The following TG variants were observed in gnomAD, a reference collection of about 807,000 sequenced individuals.
TG encodes the protein thyroglobulin.
A neutral mutation model predicts 324.7 loss-of-function variants in TG; 270 were observed. That is an observed-to-expected ratio of 0.83 (90% CI 0.75 to 0.92). TG has a LOEUF of 0.92. Ranked by LOEUF, TG falls within the 40% of genes least tolerant of loss-of-function variation. The pLI, the probability that TG is intolerant of heterozygous loss-of-function variation, is 0.00. For missense variants in TG, 3,591 were observed against 3,456.4 expected (o/e 1.04, Z -0.98); for synonymous variants, 1,401 against 1,327.0 (o/e 1.06, Z -1.21).
Position 132,886,541 on chromosome 8 carries a change from C to CT in TG, c.1171dup (p.Ser391PhefsTer94). 6.2e-7 allele frequency: 1 copy of CT among 1,614,234 alleles called. No homozygotes were observed. The highest frequency in any genetic ancestry group is 8.5e-7 in the Non-Finnish European group (1 of 1,180,050). ...TACTTCAGCCAGCACGACCTGTTCTCTTCCCCAGAGAAAAGATGGGCCTCT... is the reference window on the plus strand; with the variant it reads ...TACTTCAGCCAGCACGACCTGTTCTCTTTCCCCAGAGAAAAGATGGGCCTCT... On this transcript the variant is annotated frameshift_variant, in exon 9 of 48. Transcript: ENST00000220616. LOFTEE classifies it high-confidence loss of function.
chr8:132,883,776 C>G (rs1456405101), intron 8 of TG, among the ~76,000 whole-genome samples: 3 of 152,154 alleles, frequency 2.0e-5, no homozygotes, highest in Non-Finnish European at 4.4e-5. Context: ...ATTAGAAGGT[C>G]ATTGCCATGT....
intron 43 of TG, among the ~76,000 whole-genome samples, chr8:133,112,838 A>G (rs1248926223): frequency 1.3e-5 from 2 of 152,128 alleles, no homozygotes; most frequent in Non-Finnish European, 2.9e-5. Context: ...CACCTCTGCC[A>G]CTAGAACGTG....
chr8:132,987,906 A>C (rs900691360), intron 35 of TG, among the ~76,000 whole-genome samples: 3 of 152,160 alleles, frequency 2.0e-5, no homozygotes, highest in African/African-American at 7.2e-5. Flanking sequence ...ACAGAAATGC[A>C]GTGTTTAGAG....
At chr8:133,049,248 G>A (rs894443127) in intron 41 of TG, 2 of 427,226 alleles carry the variant, frequency 4.7e-6, no homozygotes, top group Non-Finnish European at 9.4e-6. Flanking sequence ...GATATCTCTT[G>A]TTTATCTTAC....
intron 34 of TG, among the ~76,000 whole-genome samples, chr8:132,982,179 T>G (rs1339198746): frequency 6.6e-6 from 1 of 152,216 alleles, no homozygotes; most frequent in Non-Finnish European, 1.5e-5. Flanking sequence ...ATGCCCATTT[T>G]ATAGACAAGG....
chr8:133,073,582 T>G (rs956309934), intron 41 of TG, among the ~76,000 whole-genome samples: 1 of 152,192 alleles, frequency 6.6e-6, no homozygotes, highest in Non-Finnish European at 1.5e-5. Flanking sequence ...GCAACAAATT[T>G]GCCAGAATTT....
chr8:132,893,725 C>G lies in TG; in HGVS notation c.2797C>G (p.Leu933Val). 6.2e-7 allele frequency: 1 copy of G among 1,613,930 alleles called. No homozygotes were observed. The highest frequency in any genetic ancestry group is 8.5e-7 in the Non-Finnish European group (1 of 1,179,898). ...GSCEEAKLRV[L>V]QFIRETEEIV... Reference sequence around the variant, plus strand: ...CTGTGAGGAAGCAAAGCTCCGTGTACTGCAGTTCATTAGGGAAACGGAAGA... The same window carrying G: ...CTGTGAGGAAGCAAAGCTCCGTGTAGTGCAGTTCATTAGGGAAACGGAAGA... The change falls in exon 11 of 48, where the codon CTG becomes GTG. Residue 933 changes from leucine to valine, a missense_variant. Coordinates refer to ENST00000220616, the MANE Select transcript of TG (RefSeq NM_003235.5).
At chr8:133,095,836 G>C (rs1056576019) in intron 42 of TG, among the ~76,000 whole-genome samples, 1 of 152,218 alleles carries the variant, frequency 6.6e-6, no homozygotes, top group African/African-American at 2.4e-5. Flanking sequence ...CCTAAGTGCA[G>C]GCTAATTTGA....
chr8:133,020,685 G>A (rs1005798296), intron 39 of TG, among the ~76,000 whole-genome samples: 2 of 152,164 alleles, frequency 1.3e-5, no homozygotes, highest in Non-Finnish European at 2.9e-5. Context: ...GAGACTCCAG[G>A]TCAGCCCCTT....
At chr8:133,116,886 T>TAA (rs35664939) in intron 45 of TG, among the ~76,000 whole-genome samples, 170 bp downstream of exon 45, 58 of 149,726 alleles carry the variant, frequency 3.9e-4, no homozygotes, top group Non-Finnish European at 7.6e-4. Flanking sequence ...CGGGGAAAGT[T>TAA]AAAAAAAAAA....
chr8:133,129,658 A>G (rs1851801123), intron 45 of TG, among the ~76,000 whole-genome samples: 1 of 151,910 alleles, frequency 6.6e-6, no homozygotes, highest in Non-Finnish European at 1.5e-5. Context: ...CACCACACCC[A>G]GCTAATTTTT....
At chr8:133,045,558 T>A (rs1401058343) in intron 41 of TG, among the ~76,000 whole-genome samples, 1 of 151,692 alleles carries the variant, frequency 6.6e-6, no homozygotes, top group Non-Finnish European at 1.5e-5. Context: ...CCACGCCCAG[T>A]TAATTCTTTT....
At chr8:132,970,910 C>T (rs1369641391) in intron 32 of TG, among the ~76,000 whole-genome samples, 1 of 152,126 alleles carries the variant, frequency 6.6e-6, no homozygotes, top group African/African-American at 2.4e-5. Flanking sequence ...CATCAGGGCA[C>T]AGATGCTGCC....
chr8:133,041,315 CA>C (rs2079705498), intron 41 of TG, among the ~76,000 whole-genome samples: 1 of 152,220 alleles, frequency 6.6e-6, no homozygotes, highest in African/African-American at 2.4e-5. Flanking sequence ...TGCCAAAGAA[CA>C]AAAGGAATTT....
chr8:132,914,517 T>C (rs1233623567), intron 20 of TG, among the ~76,000 whole-genome samples: 1 of 152,232 alleles, frequency 6.6e-6, no homozygotes, highest in Admixed American at 6.5e-5. Flanking sequence ...CTAGCATTTA[T>C]GGAGAATTCT....
intron 35 of TG, among the ~76,000 whole-genome samples, chr8:132,988,184 C>A (rs1831835711): frequency 6.6e-6 from 1 of 152,054 alleles, no homozygotes; most frequent in African/African-American, 2.4e-5. Flanking sequence ...TCCTAGGCTG[C>A]AGTGGGATAC....
chr8:133,045,071 G>T, intron 41 of TG: 1 of 1,614,138 alleles, frequency 6.2e-7, no homozygotes, highest in South Asian at 1.1e-5. Context: ...CGGAAAATGC[G>T]GTAATGCTTT....
chr8:133,060,420 T>C (rs1842206283), intron 41 of TG: 3 of 1,483,894 alleles, frequency 2.0e-6, no homozygotes, highest in Non-Finnish European at 2.7e-6. Context: ...GAGAGGGAAG[T>C]TGCTAGCAAA....
chr8:132,970,450 G>A (rs562696991), intron 32 of TG, among the ~76,000 whole-genome samples: 20 of 152,282 alleles, frequency 1.3e-4, no homozygotes, highest in Middle Eastern at 3.4e-3. Context: ...CTGGGATGGA[G>A]TTCAAGAATC....
Sources: gnomAD v4.1 joint callset for allele counts (sites outside exome capture counted in the v4.1 genomes callset) on GRCh38, gnomAD v4.1.1 for gene constraint, MANE v1.5 for transcripts, NCBI Gene and HGNC (gene_info 2026-07-23, HGNC 2026-07-21) for gene names.